Variants in COL25A1 observed in about 807,000 individuals in gnomAD.
COL25A1 encodes collagen alpha-1(XXV) chain.
Under a neutral mutation model 128.4 loss-of-function variants are expected in COL25A1, and 103 were observed. That is an observed-to-expected ratio of 0.80 (90% confidence interval 0.68 to 0.94). The LOEUF (loss-of-function observed/expected upper bound fraction) is 0.94. Among genes scored for constraint, COL25A1 ranks in the 40% least tolerant of loss-of-function variants. The probability of loss-of-function intolerance (pLI) is 0.00; values close to 1 mark genes in which losing one functional copy is unlikely to be tolerated. For missense variants in COL25A1, 745 were observed against 840.0 expected (o/e 0.89, Z 1.40); for synonymous variants, 279 against 277.2 (o/e 1.01, Z -0.06).
chr4:108,833,921 T>C (rs1733464491), intron 31 of COL25A1, among the ~76,000 whole-genome samples: 1 of 152,162 alleles, frequency 6.6e-6, no homozygotes, highest in South Asian at 2.1e-4. Flanking sequence ...AAGGAAGAAG[T>C]TACATTTGAT....
intron 8 of COL25A1, among the ~76,000 whole-genome samples, chr4:108,966,955 A>AGG (rs1751378352): frequency 6.6e-6 from 1 of 151,262 alleles, no homozygotes; most frequent in Non-Finnish European, 1.5e-5. Context: ...GAAAGAAAGA[A>AGG]AAAGAAAGAA....
intron 3 of COL25A1, among the ~76,000 whole-genome samples, chr4:109,191,644 T>C (rs535079281): frequency 2.0e-3 from 308 of 152,378 alleles, no homozygotes; most frequent in Non-Finnish European, 3.6e-3. Context: ...ATAGTGATTA[T>C]AGTTGAAATC....
chr4:108,942,120 A>G, intron 8 of COL25A1: 1 of 1,351,078 alleles, frequency 7.4e-7, no homozygotes, highest in Non-Finnish European at 1.0e-6. Context: ...GAGGAAGCCA[A>G]CGGGCTCGGC....
At chr4:109,302,122 G>T in intron 1 of COL25A1, 47 bp from the exon 2 acceptor site, 1 of 1,395,156 alleles carries the variant, frequency 7.2e-7, no homozygotes, top group Non-Finnish European at 9.4e-7. Flanking sequence ...CAGTCCCTGT[G>T]GCTGCACAAC....
chr4:108,886,038 G>C (rs1740731610), intron 18 of COL25A1, among the ~76,000 whole-genome samples: 1 of 152,148 alleles, frequency 6.6e-6, no homozygotes, highest in South Asian at 2.1e-4. Flanking sequence ...TTATAATGTA[G>C]ATTGACTACT....
intron 19 of COL25A1, among the ~76,000 whole-genome samples, chr4:108,869,470 C>T (rs139968547): frequency 6.6e-6 from 1 of 152,126 alleles, no homozygotes; most frequent in Non-Finnish European, 1.5e-5. Context: ...AGGTAACCTG[C>T]GGGCTCAATA....
chr4:109,133,911 G>T (rs1357406070), intron 3 of COL25A1, among the ~76,000 whole-genome samples: 1 of 152,166 alleles, frequency 6.6e-6, no homozygotes, highest in Non-Finnish European at 1.5e-5. Context: ...CTGAAATATG[G>T]CAAGTATACT....
At chr4:109,154,461 A>G (rs1771840335) in intron 3 of COL25A1, among the ~76,000 whole-genome samples, 1 of 152,198 alleles carries the variant, frequency 6.6e-6, no homozygotes, top group African/African-American at 2.4e-5. Context: ...AACTTTAGTT[A>G]TTTCCAAAGC....
chr4:108,828,160 A>G (rs1351359842), intron 32 of COL25A1, among the ~76,000 whole-genome samples: 1 of 152,162 alleles, frequency 6.6e-6, no homozygotes, highest in African/African-American at 2.4e-5. Context: ...TTTTATTTTG[A>G]GACAGAGTCT....
chr4:109,103,237 A>G (rs1231927271), intron 3 of COL25A1, among the ~76,000 whole-genome samples: 2 of 152,210 alleles, frequency 1.3e-5, no homozygotes, highest in African/African-American at 4.8e-5. Flanking sequence ...GTTTTCATAG[A>G]AAGTTCATTC....
intron 18 of COL25A1, among the ~76,000 whole-genome samples, chr4:108,884,641 G>T (rs1054829427): frequency 3.9e-5 from 6 of 152,152 alleles, no homozygotes; most frequent in African/African-American, 1.4e-4. Context: ...TCAAGAGTTG[G>T]CTGTATGAAC....
intron 4 of COL25A1, among the ~76,000 whole-genome samples, chr4:109,048,967 A>G (rs1760723643): frequency 6.6e-6 from 1 of 152,146 alleles, no homozygotes; most frequent in Non-Finnish European, 1.5e-5. Flanking sequence ...GTGAAGGAAT[A>G]CCTATACAAG....
intron 3 of COL25A1, among the ~76,000 whole-genome samples, chr4:109,129,992 A>G (rs1441420757): frequency 1.4e-5 from 2 of 138,426 alleles, no homozygotes; most frequent in African/African-American, 6.1e-5. Context: ...CCTAAAACTT[A>G]AAGTATAATT....
At chr4:108,837,226 T>C (rs1483271035) in intron 31 of COL25A1, among the ~76,000 whole-genome samples, 1 of 152,142 alleles carries the variant, frequency 6.6e-6, no homozygotes, top group Non-Finnish European at 1.5e-5. Flanking sequence ...ATGGCAAAAA[T>C]GAAAAAGTGG....
chr4:109,106,376 G>T (rs1228891457), intron 3 of COL25A1, among the ~76,000 whole-genome samples: 2 of 152,068 alleles, frequency 1.3e-5, no homozygotes, highest in African/African-American at 4.8e-5. Flanking sequence ...TATTTATTTT[G>T]ATAGTTCAAT....
chr4:108,952,932 A>G (rs570885786), intron 8 of COL25A1, among the ~76,000 whole-genome samples: 1 of 141,466 alleles, frequency 7.1e-6, no homozygotes, highest in African/African-American at 2.6e-5. Flanking sequence ...CTCTGGTTTA[A>G]TGAGTATTTG....
At chr4:109,286,045 C>T (rs1723861291) in intron 3 of COL25A1, among the ~76,000 whole-genome samples, 1 of 152,040 alleles carries the variant, frequency 6.6e-6, no homozygotes, top group Admixed American at 6.6e-5. Flanking sequence ...AAATTAGAAA[C>T]AGGAAATAGT....
intron 3 of COL25A1, among the ~76,000 whole-genome samples, chr4:109,118,861 C>G (rs78032090): frequency 0.012 from 1,901 of 152,132 alleles, 50 homozygotes; most frequent in African/African-American, 0.044. Context: ...CATCAATCAA[C>G]TGGGGGTATA....
chr4:109,136,389 A>G (rs994108197), intron 3 of COL25A1, among the ~76,000 whole-genome samples: 3 of 152,072 alleles, frequency 2.0e-5, no homozygotes, highest in African/African-American at 7.2e-5. Context: ...AAAAGAGCAA[A>G]ACTCTGTCTC....
Sources: allele counts gnomAD v4.1 joint callset (sites outside exome capture counted in the v4.1 genomes callset), GRCh38; gene constraint gnomAD v4.1.1; transcripts MANE v1.5; gene names NCBI Gene and HGNC (gene_info 2026-07-23, HGNC 2026-07-21).